RUFY3: variants seen among roughly 807,000 people sequenced by gnomAD.
RUFY3 encodes the protein protein RUFY3.
RUFY3 carries 34 observed loss-of-function variants against 84.0 expected under a neutral mutation model. That is an observed-to-expected ratio of 0.40 (90% CI 0.31 to 0.54). The LOEUF is 0.54. Ranked by LOEUF, RUFY3 falls within the 20% of genes least tolerant of loss-of-function variation. RUFY3 has a pLI of 0.39. For missense variants in RUFY3, 507 were observed against 736.8 expected, an observed-to-expected ratio of 0.69 and a Z score of 3.61; for synonymous variants, 242 against 252.9, an observed-to-expected ratio of 0.96 and a Z score of 0.41.
intron 8 of RUFY3, 135 bp downstream of exon 8, chr4:70,778,573 C>CTTTTTTTTTT (rs377520137): frequency 3.9e-4 from 59 of 151,794 alleles, no homozygotes; most frequent in African/African-American, 5.5e-4. Flanking sequence ...ACTTCTTATT[C>CTTTTTTTTTT]TTTTTTTTTT....
chr4:70,791,373 C>T, intron 12 of RUFY3: 2 of 1,586,008 alleles, frequency 1.3e-6, no homozygotes, highest in South Asian at 1.2e-5. Context: ...AAAGTTACTA[C>T]ATTTAAGCTC....
At chr4:70,782,517 T>C (rs1729097250) in intron 8 of RUFY3, among the ~76,000 whole-genome samples, 1 of 151,974 alleles carries the variant, frequency 6.6e-6, no homozygotes, top group Non-Finnish European at 1.5e-5. Flanking sequence ...TCTCCTGACC[T>C]CGTGATCCGC....
intron 8 of RUFY3, among the ~76,000 whole-genome samples, chr4:70,779,744 G>A (rs78006066): frequency 0.068 from 10,358 of 151,862 alleles, 553 homozygotes; most frequent in East Asian, 0.2. Flanking sequence ...CACCACACCT[G>A]GCTATTTTTA....
rs893022950 is a variant in RUFY3 at position 70,778,221 on chromosome 4, C to T, written c.825-148C>T. 3.7e-5 allele frequency: 13 copies of T among 350,282 alleles called. No homozygotes were observed. The East Asian group carries it at 4.2e-4, about 11-fold the overall frequency. 21.7% of individuals were successfully genotyped at this position (350,282 alleles called of 1,614,324 possible). A position where few individuals can be genotyped will look rare whatever the true frequency, so the allele number is the denominator to read the frequency against. On this transcript the variant is annotated intron_variant, in intron 7 of 17. Transcript: ENST00000381006. The stretch of plus-strand genomic sequence containing the variant: ...CTGCACTCCAGTCTCAGCGACACAA[C>T]GAGACTCCGTCTAAAAATAATAATA...
chr4:70,728,769 G>A lies in RUFY3; in HGVS notation c.178+6018G>A, dbSNP rs913357963. Among the ~76,000 whole-genome samples, 4 of 151,960 alleles carry A rather than the reference G, an allele frequency of 2.6e-5. 1 individual carries two copies. The South Asian group carries it at 8.3e-4, about 32-fold the overall frequency. ...TTGAGTGGCAGGCAAGTTAAAAATC[G>A]CAATTTAAAATAATTTTTGTGTGCT... On this transcript the variant is annotated intron_variant, in intron 1 of 17. Coordinates refer to ENST00000381006, the MANE Select transcript of RUFY3 (RefSeq NM_001037442.4).
chr4:70,717,939 G>A (rs982985217), upstream of RUFY3, among the ~76,000 whole-genome samples: 28 of 139,050 alleles, frequency 2.0e-4, no homozygotes, highest in Non-Finnish European at 3.5e-4. Context: ...CTGGAGTGCA[G>A]TGGCGCGATC....
chr4:70,715,010 T>A (rs2148567572), intron 1 of RUFY3, among the ~76,000 whole-genome samples: 1 of 152,338 alleles, frequency 6.6e-6, no homozygotes, highest in South Asian at 2.1e-4. Context: ...TCTAACAAAG[T>A]AATGATAAAT....
chr4:70,773,060 CA>C (rs1727256037), intron 5 of RUFY3, among the ~76,000 whole-genome samples: 2 of 152,202 alleles, frequency 1.3e-5, no homozygotes, highest in South Asian at 4.1e-4. Flanking sequence ...GAACAGACAC[CA>C]AAATATTAGC....
At chr4:70,757,558 C>A (rs562673513) in intron 1 of RUFY3, among the ~76,000 whole-genome samples, 1 of 152,070 alleles carries the variant, frequency 6.6e-6, no homozygotes, top group Non-Finnish European at 1.5e-5. Context: ...GAGCCAAGAT[C>A]GCGCCATTGC....
Position 70,762,706 on chromosome 4 carries a change from C to T in RUFY3, c.352+14C>T. 6.3e-7 allele frequency: 1 copy of T among 1,599,676 alleles called. No individual in the cohort carries two copies. Among genetic ancestry groups the T allele is most frequent in the Non-Finnish European group, 8.5e-7 (1 of 1,169,932 alleles). On this transcript the variant is annotated intron_variant, in intron 2 of 17. Coordinates refer to ENST00000381006, the MANE Select transcript of RUFY3 (RefSeq NM_001037442.4). ...ATGGCTTGAAAGGTAGGCCATCACC[C>T]CAAAATGCAAATATGCATGCAGCTG... is the stretch of plus-strand genomic sequence containing the variant.
intron 1 of RUFY3, among the ~76,000 whole-genome samples, chr4:70,745,935 A>C (rs1722133406): frequency 6.6e-6 from 1 of 152,064 alleles, no homozygotes; most frequent in South Asian, 2.1e-4. Flanking sequence ...AAATACAAAA[A>C]ATTGCTGAGG....
At chr4:70,804,917 T>G (rs1480112813) in intron 17 of RUFY3, among the ~76,000 whole-genome samples, 1 of 152,134 alleles carries the variant, frequency 6.6e-6, no homozygotes, top group Non-Finnish European at 1.5e-5. Context: ...AGAGCGAGAC[T>G]CTGTCTAAAA....
chr4:70,769,272 G>A (rs967180199), intron 5 of RUFY3, among the ~76,000 whole-genome samples: 1 of 152,096 alleles, frequency 6.6e-6, no homozygotes, highest in African/African-American at 2.4e-5. Flanking sequence ...GCTATAGTTA[G>A]CCATAATTGT....
intron 1 of RUFY3, among the ~76,000 whole-genome samples, chr4:70,742,065 T>C (rs1560478637): frequency 6.6e-6 from 1 of 152,038 alleles, no homozygotes; most frequent in Admixed American, 6.5e-5. Flanking sequence ...TGGCCTGGAA[T>C]GTTGCTCTGA....
chr4:70,784,023 A>G lies in RUFY3; in HGVS notation c.988-773A>G, dbSNP rs113803031. ...AGTTACTAGGCTCTGCGAGGGGACAAAAGCAGTTTTCCATGAGTAAAGTGA... is the reference window on the plus strand; with the variant it reads ...AGTTACTAGGCTCTGCGAGGGGACAGAAGCAGTTTTCCATGAGTAAAGTGA... On this transcript the variant is annotated intron_variant, in intron 9 of 17. Coordinates refer to ENST00000381006, the MANE Select transcript of RUFY3 (RefSeq NM_001037442.4). Among the ~76,000 whole-genome samples the G allele has an allele frequency of 4.2e-3, 633 of 152,342 alleles. 2 individuals carry two copies. Among genetic ancestry groups the G allele is most frequent in the African/African-American group, 0.015 (612 of 41,582 alleles).
intron 1 of RUFY3, among the ~76,000 whole-genome samples, chr4:70,739,540 T>C (rs967873962): frequency 6.6e-6 from 1 of 152,016 alleles, no homozygotes; most frequent in African/African-American, 2.4e-5. Context: ...TTCTAAAAAT[T>C]AACACTAAAT....
chr4:70,797,662 G>A (rs1353531671), intron 14 of RUFY3, among the ~76,000 whole-genome samples: 2 of 151,900 alleles, frequency 1.3e-5, no homozygotes, highest in African/African-American at 2.4e-5. Flanking sequence ...GGACAACATG[G>A]TGAAACCCTG....
At chr4:70,791,107 GAAT>G in intron 12 of RUFY3, 3 of 594,686 alleles carry the variant, frequency 5.0e-6, no homozygotes, top group Non-Finnish European at 8.5e-6. Flanking sequence ...AACAGAAAGA[GAAT>G]AATGACTTAT....
At chr4:70,719,752 A>C (rs1329351492), upstream of RUFY3, among the ~76,000 whole-genome samples, 1 of 152,208 alleles carries the variant, frequency 6.6e-6, no homozygotes, top group Non-Finnish European at 1.5e-5. Context: ...ATTGAACTGA[A>C]TTAAATGAGA....
Sources: gnomAD v4.1 joint callset for allele counts (sites outside exome capture counted in the v4.1 genomes callset) on GRCh38, gnomAD v4.1.1 for gene constraint, MANE v1.5 for transcripts, NCBI Gene and HGNC (gene_info 2026-07-23, HGNC 2026-07-21) for gene names.